The following DLC1 variants were observed in gnomAD, a reference collection of about 807,000 sequenced individuals.
DLC1 encodes the protein DLC1 Rho GTPase activating protein.
Under a neutral mutation model 140.3 loss-of-function variants are expected in DLC1, and 54 were observed. The observed-to-expected ratio is 0.38, with a 90% confidence interval of 0.31 to 0.48. DLC1 has a LOEUF of 0.48. DLC1 is among the 20% of genes least tolerant of loss of function. DLC1 has a pLI of 0.96. For missense variants in DLC1, 2,536 were observed against 1,907.0 expected, an observed-to-expected ratio of 1.33 and a Z score of -6.14; for synonymous variants, 986 against 728.1, an observed-to-expected ratio of 1.35 and a Z score of -5.70.
chr8:13,247,490 C>T (rs908109099), intron 5 of DLC1, among the ~76,000 whole-genome samples: 1 of 152,172 alleles, frequency 6.6e-6, no homozygotes, highest in South Asian at 2.1e-4. Context: ...GCAACAACCT[C>T]ATGAGACAGA....
In DLC1 at chr8:13,499,235, C is replaced by G. The variant is rs137974083; in HGVS notation, c.837G>C (p.Leu279=). ...LLKTDFGSCL[L]QPPSCPNGMS... Reference sequence around the variant, plus strand: ...TTCCATTGGGGCAGGAAGGAGGCTGCAGAAGGCAGCTTCCAAAATCTGTTT... The same window carrying G: ...TTCCATTGGGGCAGGAAGGAGGCTGGAGAAGGCAGCTTCCAAAATCTGTTT... Residue 279 remains leucine, a synonymous_variant, in exon 2 of 18, where the codon CTG becomes CTC. Transcript: ENST00000276297. 80 of 1,614,056 alleles carry G rather than the reference C, an allele frequency of 5.0e-5. No individual in the cohort carries two copies. Among genetic ancestry groups the G allele is most frequent in the Admixed American group, 1.0e-4 (6 of 60,002 alleles).
chr8:13,235,758 C>A (rs979550109), intron 5 of DLC1, among the ~76,000 whole-genome samples: 1 of 151,870 alleles, frequency 6.6e-6, no homozygotes, highest in African/African-American at 2.4e-5. Flanking sequence ...CTCACAAGAC[C>A]ACAGTAATAA....
intron 5 of DLC1, among the ~76,000 whole-genome samples, chr8:13,189,999 A>G (rs555110415): frequency 6.6e-6 from 1 of 152,196 alleles, no homozygotes; most frequent in East Asian, 1.9e-4. Context: ...CAAAAGACAT[A>G]TGATGAAGCC....
intron 2 of DLC1, among the ~76,000 whole-genome samples, chr8:13,436,599 AT>A (rs953333715): frequency 3.9e-5 from 6 of 152,140 alleles, no homozygotes; most frequent in African/African-American, 1.2e-4. Flanking sequence ...ACAGTTTTTT[AT>A]TTTTTTAAGC....
At chr8:13,139,499 A>T (rs1822816699) in intron 5 of DLC1, among the ~76,000 whole-genome samples, 1 of 152,124 alleles carries the variant, frequency 6.6e-6, no homozygotes, top group African/African-American at 2.4e-5. Context: ...AATAAACATG[A>T]AGAGGGCACT....
chr8:13,567,302 A>T lies in DLC1; in HGVS notation c.-126+37235T>A, dbSNP rs374037480. ...TCTAACTTTGAACGGCACCAACCAG[A>T]CACCAAACTTCCAACAGAAATCACT... is the stretch of plus-strand genomic sequence containing the variant. On this transcript the variant is annotated intron_variant, in intron 1 of 1. Transcript: ENST00000631382. 6.8e-5 allele frequency: 106 copies of T among 1,551,778 alleles called. No homozygotes were observed. In the African/African-American group the frequency reaches 1.4e-3, roughly 20 times the overall value.
At chr8:13,088,341 C>T (rs928699401) in intron 16 of DLC1, 146 bp downstream of exon 16, 2 of 966,200 alleles carry the variant, frequency 2.1e-6, no homozygotes. Context: ...CTTGGCCTCC[C>T]AGAGTGCTGG....
At chr8:13,498,007 AT>A (rs201733656) in intron 2 of DLC1, among the ~76,000 whole-genome samples, 3 of 151,766 alleles carry the variant, frequency 2.0e-5, no homozygotes, top group Non-Finnish European at 4.4e-5. Context: ...AAAGTAGTAG[AT>A]TTTTTTTTCT....
intron 2 of DLC1, among the ~76,000 whole-genome samples, chr8:13,456,878 T>G (rs1211688323): frequency 6.6e-6 from 1 of 152,208 alleles, no homozygotes; most frequent in African/African-American, 2.4e-5. Context: ...TGACAAAGAC[T>G]GGTGCAGCTG....
At chr8:13,341,464 C>T (rs1288469056) in intron 4 of DLC1, 1 of 152,186 alleles carries the variant, frequency 6.6e-6, no homozygotes, top group Non-Finnish European at 1.5e-5. Context: ...TTCTGATTCA[C>T]TAGGTTTGGG....
chr8:13,366,534 A>G (rs1175192081), intron 4 of DLC1, among the ~76,000 whole-genome samples: 1 of 152,224 alleles, frequency 6.6e-6, no homozygotes, highest in Non-Finnish European at 1.5e-5. Context: ...AAATTAACAG[A>G]AAAGCTGGGG....
chr8:13,398,675 A>G (rs952360925), intron 3 of DLC1, among the ~76,000 whole-genome samples: 1 of 152,034 alleles, frequency 6.6e-6, no homozygotes, highest in Non-Finnish European at 1.5e-5. Flanking sequence ...TACTTGCTAA[A>G]GAGAAAAAGG....
chr8:13,271,874 G>C (rs544804275), intron 5 of DLC1, among the ~76,000 whole-genome samples: 2 of 152,130 alleles, frequency 1.3e-5, no homozygotes, highest in Admixed American at 6.6e-5. Context: ...ACAAGGTCTT[G>C]CTCTGTTACC....
chr8:13,100,157 G>C lies in DLC1; in HGVS notation c.2180C>G (p.Pro727Arg), dbSNP rs868283074. 6.2e-7 allele frequency: 1 copy of C among 1,614,000 alleles called. No individual in the cohort carries two copies. Among genetic ancestry groups the C allele is most frequent in the African/African-American group, 1.3e-5 (1 of 74,908 alleles). The change falls in exon 9 of 18, where the codon CCC becomes CGC. Residue 727 changes from proline (P) to arginine (R), a missense_variant. Coordinates refer to ENST00000276297, the MANE Select transcript of DLC1 (RefSeq NM_182643.3). ...GGAAACGCTCCTCTTTCGTACCATG[G>C]GGACGTTGATGCGGTTGCCATTGAG... The part of the protein sequence containing the change: ...SALNGNRINV[P>R]MVRKRSVSNS...
intron 5 of DLC1, among the ~76,000 whole-genome samples, chr8:13,184,271 T>C (rs1358526891): frequency 1.3e-5 from 2 of 152,184 alleles, no homozygotes; most frequent in Admixed American, 6.5e-5. Flanking sequence ...AACCAGCTTC[T>C]GGATTCATTG....
chr8:13,110,075 T>C (rs1313330696), intron 7 of DLC1, among the ~76,000 whole-genome samples: 2 of 152,196 alleles, frequency 1.3e-5, no homozygotes, highest in African/African-American at 2.4e-5. Context: ...AAACTTAAAA[T>C]GAGTAGACAT....
At chr8:13,379,264 C>A (rs942972885) in intron 4 of DLC1, among the ~76,000 whole-genome samples, 1 of 152,164 alleles carries the variant, frequency 6.6e-6, no homozygotes, top group Admixed American at 6.5e-5. Flanking sequence ...ATTGCCTTCA[C>A]CCATTCCTGA....
intron 2 of DLC1, among the ~76,000 whole-genome samples, chr8:13,448,241 T>C (rs1299502475): frequency 6.6e-6 from 1 of 152,134 alleles, no homozygotes; most frequent in Non-Finnish European, 1.5e-5. Flanking sequence ...GGAAAAAAGG[T>C]TGGGAATGAA....
rs375306792 is a variant in DLC1, at chr8:13,100,515, G to A, written c.1822C>T (p.Pro608Ser). Reference protein sequence around the residue: ...SSTGSLPSHAPPSEDAATPRT... With the variant: ...SSTGSLPSHASPSEDAATPRT... The stretch of plus-strand genomic sequence containing the variant: ...GGGGTGGCAGCATCCTCGCTGGGGG[G>A]CGCGTGGCTGGGGAGGCTGCCAGTG... The change falls in exon 9 of 18, where the codon CCC (proline) becomes TCC (serine). Residue 608 changes from proline (P) to serine (S), a missense_variant. Transcript: ENST00000276297. 7.4e-6 allele frequency: 12 copies of A among 1,612,428 alleles called. No individual in the cohort carries two copies. The highest frequency in any genetic ancestry group is 2.7e-5 in the African/African-American group (2 of 74,930).
Sources: gnomAD v4.1 joint callset for allele counts (sites outside exome capture counted in the v4.1 genomes callset) on GRCh38, gnomAD v4.1.1 for gene constraint, MANE v1.5 for transcripts, NCBI Gene and HGNC (gene_info 2026-07-23, HGNC 2026-07-21) for gene names.